CGNL1: variants seen among roughly 807,000 people sequenced by gnomAD.
CGNL1 encodes cingulin-like protein 1.
A neutral mutation model predicts 141.2 loss-of-function variants in CGNL1; 132 were observed. The ratio of observed to expected loss-of-function variants is 0.93; its 90% CI spans 0.81 to 1.08. The LOEUF (loss-of-function observed/expected upper bound fraction) is 1.08. Ranked by LOEUF, CGNL1 falls within the 50% of genes least tolerant of loss-of-function variation. The probability of loss-of-function intolerance (pLI) is 0.00; values close to 1 mark genes in which losing one functional copy is unlikely to be tolerated. For synonymous variants in CGNL1, 690 were observed against 622.1 expected, an observed-to-expected ratio of 1.11 and a Z score of -1.63; for missense variants, 1,870 against 1,588.6, an observed-to-expected ratio of 1.18 and a Z score of -3.01.
chr15:57,479,344 C>T (rs117781160), intron 8 of CGNL1, among the ~76,000 whole-genome samples: 3,820 of 152,186 alleles, frequency 0.025, 80 homozygotes, highest in Middle Eastern at 0.048. Flanking sequence ...GACTAGTGCC[C>T]AGCAATAGAA....
At chr15:57,494,502 T>C (rs2063909294) in intron 8 of CGNL1, among the ~76,000 whole-genome samples, 2 of 152,172 alleles carry the variant, frequency 1.3e-5, no homozygotes, top group Admixed American at 6.5e-5. Context: ...GAGCAACTTA[T>C]AATAAACTAC....
At chr15:57,386,537 C>T (rs1038129012) in intron 1 of CGNL1, among the ~76,000 whole-genome samples, 9 of 152,096 alleles carry the variant, frequency 5.9e-5, no homozygotes, top group Non-Finnish European at 8.8e-5. Context: ...GTGTGTGATT[C>T]GGGAAGCAGT....
intron 8 of CGNL1, among the ~76,000 whole-genome samples, chr15:57,482,065 A>G (rs1171229277): frequency 6.6e-6 from 1 of 151,794 alleles, no homozygotes; most frequent in Non-Finnish European, 1.5e-5. Context: ...TCTTTGGTGA[A>G]ATATCTATTC....
At chr15:57,394,803 A>C (rs16977460) in intron 1 of CGNL1, among the ~76,000 whole-genome samples, 9,159 of 152,254 alleles carry the variant, frequency 0.06, 508 homozygotes, top group African/African-American at 0.14. Flanking sequence ...TACTTTACAC[A>C]GTAAGCACGT....
At chr15:57,440,908 A>G (rs1288515300) in intron 3 of CGNL1, among the ~76,000 whole-genome samples, 5 of 151,944 alleles carry the variant, frequency 3.3e-5, no homozygotes, top group African/African-American at 7.3e-5. Context: ...TTTTTAAAGC[A>G]TGTGTGAGTC....
Position 57,438,299 on chromosome 15 carries a change from A to G in CGNL1, c.300A>G (p.Glu100=), listed in dbSNP as rs546056290. ...NGSVPKENSE[E]LQLPENPYAQ... is the part of the protein sequence containing the mutation. ...CTGTGCCAAAGGAGAACAGTGAAGA[A>G]CTTCAGCTTCCAGAAAACCCATACG... The change falls in exon 2 of 19, where the codon GAA becomes GAG. Residue 100 remains glutamate, a synonymous_variant. Coordinates refer to ENST00000281282, the MANE Select transcript of CGNL1 (RefSeq NM_032866.5). The G allele has an allele frequency of 6.2e-6, 10 of 1,614,182 alleles. No homozygotes were observed. In the South Asian group the frequency reaches 1.1e-4, roughly 18 times the overall value.
intron 13 of CGNL1, among the ~76,000 whole-genome samples, chr15:57,530,138 C>G (rs2140170562): frequency 6.6e-6 from 1 of 152,378 alleles, no homozygotes; most frequent in Middle Eastern, 3.4e-3. Flanking sequence ...GCACCCTTAA[C>G]ACTCCTGCTG....
chr15:57,383,011 A>T (rs533528576), intron 1 of CGNL1, among the ~76,000 whole-genome samples: 1 of 152,280 alleles, frequency 6.6e-6, no homozygotes, highest in African/African-American at 2.4e-5. Flanking sequence ...AAAAGGTTTG[A>T]TTCCCCACCT....
At chr15:57,493,626 G>A (rs770712151) in intron 8 of CGNL1, among the ~76,000 whole-genome samples, 1 of 152,114 alleles carries the variant, frequency 6.6e-6, no homozygotes, top group Non-Finnish European at 1.5e-5. Flanking sequence ...GAATGAAGAC[G>A]CATGAGTTAG....
chr15:57,385,741 C>T (rs1279686264), intron 1 of CGNL1, among the ~76,000 whole-genome samples: 1 of 152,236 alleles, frequency 6.6e-6, no homozygotes, highest in African/African-American at 2.4e-5. Flanking sequence ...CCCCCAACCT[C>T]CCCACCCGGG....
intron 1 of CGNL1, among the ~76,000 whole-genome samples, chr15:57,426,679 G>C (rs1249809832): frequency 6.9e-6 from 1 of 143,910 alleles, no homozygotes; most frequent in Non-Finnish European, 1.5e-5. Flanking sequence ...GGCTGGTCTT[G>C]AACTCCTGGG....
At chr15:57,405,719 C>G (rs957176428) in intron 1 of CGNL1, among the ~76,000 whole-genome samples, 4 of 148,902 alleles carry the variant, frequency 2.7e-5, no homozygotes, top group African/African-American at 1.0e-4. Context: ...GAAAAACTCG[C>G]AGAAGGTGTG....
intron 1 of CGNL1, among the ~76,000 whole-genome samples, chr15:57,387,721 C>A (rs749899): frequency 1.3e-5 from 2 of 152,160 alleles, no homozygotes; most frequent in African/African-American, 4.8e-5. Flanking sequence ...AAAAACCTCC[C>A]CCTGTTTTAA....
At chr15:57,480,969 A>G (rs1379973835) in intron 8 of CGNL1, among the ~76,000 whole-genome samples, 1 of 151,244 alleles carries the variant, frequency 6.6e-6, no homozygotes, top group African/African-American at 2.4e-5. Flanking sequence ...TGAACAGTAC[A>G]CCTTAAATGC....
intron 1 of CGNL1, among the ~76,000 whole-genome samples, chr15:57,402,451 C>T (rs1480393541): frequency 6.6e-6 from 1 of 152,142 alleles, no homozygotes; most frequent in Non-Finnish European, 1.5e-5. Context: ...TCCTTTACAC[C>T]AATGCCAAAT....
intron 12 of CGNL1, among the ~76,000 whole-genome samples, chr15:57,526,883 G>T (rs1488126937): frequency 1.3e-5 from 2 of 152,122 alleles, no homozygotes; most frequent in Non-Finnish European, 2.9e-5. Context: ...TGGGCATTGG[G>T]AAGGGGGACA....
intron 8 of CGNL1, among the ~76,000 whole-genome samples, chr15:57,491,083 G>A (rs72739759): frequency 0.012 from 1,856 of 152,208 alleles, 26 homozygotes; most frequent in Non-Finnish European, 0.021. Flanking sequence ...AGTCAGAAAA[G>A]GATGTTAGGT....
chr15:57,381,586 G>A (rs1367542535), intron 1 of CGNL1, among the ~76,000 whole-genome samples: 2 of 151,986 alleles, frequency 1.3e-5, no homozygotes, highest in African/African-American at 4.8e-5. Flanking sequence ...AAATAAAATG[G>A]CAGAGTTGAA....
chr15:57,434,745 C>A (rs138599320), intron 1 of CGNL1, among the ~76,000 whole-genome samples: 10 of 152,234 alleles, frequency 6.6e-5, no homozygotes, highest in Middle Eastern at 3.4e-3. Context: ...TTAAAAAATA[C>A]GATGGAAATT....
Sources: allele counts gnomAD v4.1 joint callset (sites outside exome capture counted in the v4.1 genomes callset), GRCh38; gene constraint gnomAD v4.1.1; transcripts MANE v1.5; gene names NCBI Gene and HGNC (gene_info 2026-07-23, HGNC 2026-07-21).